The following LRP5 variants were observed in gnomAD, a reference collection of about 807,000 sequenced individuals.
LRP5 encodes the protein LDL receptor related protein 5.
In LRP5, 62 loss-of-function variants were observed where a neutral mutation model predicts 154.1. The ratio of observed to expected loss-of-function variants is 0.40; its 90% CI spans 0.33 to 0.50. The LOEUF is 0.50. Among genes scored for constraint, LRP5 ranks in the 20% least tolerant of loss-of-function variants. The pLI is 0.55. For missense variants in LRP5, 1,915 were observed against 2,336.7 expected (o/e 0.82, Z 3.72); for synonymous variants, 966 against 1,011.5 (o/e 0.96, Z 0.85).
Position 68,330,128 on chromosome 11 carries a change from C to T in LRP5, c.91+17323C>T, listed in dbSNP as rs540791659. 1.7e-3 allele frequency among the ~76,000 whole-genome samples: 256 copies of T among 152,242 alleles called. 1 individual carries two copies. The highest frequency in any genetic ancestry group is 5.8e-3 in the African/African-American group (239 of 41,536). ...TCAGGGCTTGCAGAGTATGTGTGCA[C>T]GTGTGTGTGCATGCGTGTGTTTGTG... On this transcript the variant is annotated intron_variant, in intron 1 of 22. Coordinates refer to ENST00000294304, the MANE Select transcript of LRP5 (RefSeq NM_002335.4).
Position 68,426,149 on chromosome 11 carries a change from G to T in LRP5, c.3599G>T (p.Gly1200Val). 6.2e-7 allele frequency: 1 copy of T among 1,612,724 alleles called. No individual in the cohort carries two copies. Among genetic ancestry groups the T allele is most frequent in the Non-Finnish European group, 8.5e-7 (1 of 1,180,004 alleles). Residue 1200 changes from glycine (G) to valine (V), a missense_variant, in exon 16 of 23, where the codon GGC (glycine) becomes GTC (valine). Gly to Val is a moderately radical substitution (Grantham distance 109). This residue lies in a region of LRP5 where 1,094 missense variants were observed against 1,210.1 expected (regional missense o/e 0.90). Coordinates refer to ENST00000294304, the MANE Select transcript of LRP5 (RefSeq NM_002335.4). ...RIQGRVAHLT[G>V]IHAVEEVSLE... The stretch of plus-strand genomic sequence containing the variant: ...CAGGGCCGTGTCGCCCACCTCACTG[G>T]CATCCATGCAGTGGAGGAAGTCAGC...
chr11:68,439,273 G>T (rs2098676785), intron 20 of LRP5, among the ~76,000 whole-genome samples: 1 of 152,206 alleles, frequency 6.6e-6, no homozygotes, highest in Non-Finnish European at 1.5e-5. Flanking sequence ...CCACCTTGAG[G>T]ATTGCCTCTG....
chr11:68,389,673 T>C (rs2098645259), intron 6 of LRP5, among the ~76,000 whole-genome samples: 1 of 151,088 alleles, frequency 6.6e-6, no homozygotes, highest in Non-Finnish European at 1.5e-5. Context: ...CCGACACTGA[T>C]ATTTACCAAC....
intron 17 of LRP5, among the ~76,000 whole-genome samples, chr11:68,432,212 G>A (rs2098672314): frequency 6.6e-6 from 1 of 152,204 alleles, no homozygotes; most frequent in Admixed American, 6.5e-5. Flanking sequence ...TGAGAGTCGA[G>A]GTCGGAGGCT....
intron 1 of LRP5, among the ~76,000 whole-genome samples, chr11:68,334,109 C>A (rs1342821755): frequency 6.6e-6 from 1 of 152,192 alleles, no homozygotes; most frequent in Non-Finnish European, 1.5e-5. Context: ...TGGTGGGCAC[C>A]TGTAATCCCA....
chr11:68,367,789 C>T (rs1591235817), intron 5 of LRP5, among the ~76,000 whole-genome samples: 2 of 152,140 alleles, frequency 1.3e-5, no homozygotes, highest in East Asian at 3.9e-4. Context: ...TCGGGCCGGG[C>T]GCAGTGGCTC....
chr11:68,383,766 G>C (rs1485210069), intron 5 of LRP5, among the ~76,000 whole-genome samples: 1 of 152,220 alleles, frequency 6.6e-6, no homozygotes, highest in Non-Finnish European at 1.5e-5. Context: ...CATCCACTGG[G>C]GTGTGGGGAG....
intron 1 of LRP5, among the ~76,000 whole-genome samples, chr11:68,336,122 C>T (rs2450885): frequency 6.6e-6 from 1 of 152,196 alleles, no homozygotes; most frequent in Non-Finnish European, 1.5e-5. Flanking sequence ...GAATACCATT[C>T]TCCACCCAAA....
intron 5 of LRP5, among the ~76,000 whole-genome samples, chr11:68,373,704 T>G (rs2098635726): frequency 6.6e-6 from 1 of 152,138 alleles, no homozygotes; most frequent in Non-Finnish European, 1.5e-5. Context: ...GGCAGCTGGC[T>G]TCGGTTTCTG....
chr11:68,416,011 C>T (rs2098662321), intron 12 of LRP5, among the ~76,000 whole-genome samples: 1 of 151,714 alleles, frequency 6.6e-6, no homozygotes, highest in South Asian at 2.1e-4. Context: ...GCCCAGATAG[C>T]ACCACTGCAG....
At chr11:68,371,631 G>A (rs995115553) in intron 5 of LRP5, among the ~76,000 whole-genome samples, 5 of 152,242 alleles carry the variant, frequency 3.3e-5, no homozygotes, top group South Asian at 4.1e-4. Flanking sequence ...CCGTGCGCCC[G>A]GCGGGCATGA....
At chr11:68,363,204 C>T (rs2098629011) in intron 3 of LRP5, among the ~76,000 whole-genome samples, 2 of 152,240 alleles carry the variant, frequency 1.3e-5, no homozygotes, top group African/African-American at 4.8e-5. Flanking sequence ...GGCATGGCTT[C>T]CTCCTTTCTT....
At chr11:68,301,336 C>T in the LRP5 span, among the ~76,000 whole-genome samples, 1 of 148,900 alleles carries the variant, frequency 6.7e-6, no homozygotes, top group Non-Finnish European at 1.5e-5. Context: ...GGGCTGAGTG[C>T]AGTGGCTCAC....
At chr11:68,420,076 A>G (rs1198136011) in intron 13 of LRP5, among the ~76,000 whole-genome samples, 1 of 152,188 alleles carries the variant, frequency 6.6e-6, no homozygotes, top group Non-Finnish European at 1.5e-5. Flanking sequence ...GGCGCGAGCC[A>G]CCGCACCCAG....
rs1473052930 is a variant in LRP5 at position 68,443,555 on chromosome 11, ATATATATATATATATATATATATATATAT to A, written c.4489-2880_4489-2852del. Among the ~76,000 whole-genome samples, 96 of 27,342 alleles carry A rather than the reference ATATATATATATATATATATATATATATAT, an allele frequency of 3.5e-3. 4 individuals carry two copies. The highest frequency in any genetic ancestry group is 0.017 in the African/African-American group (95 of 5,544). The allele number at this position is 27,342 out of a possible 152,430, so 17.9% of individuals were successfully genotyped here. A position where few individuals can be genotyped will look rare whatever the true frequency, so the allele number is the denominator to read the frequency against. ...CTCCTCTTTTATGGCATATATATATATATATATATATATATATATATATATATATATTTTTTTTTTTTTTGGTTATGTTC... is the reference window on the plus strand; with the variant it reads ...CTCCTCTTTTATGGCATATATATATAATTTTTTTTTTTTTTGGTTATGTTC... On this transcript the variant is annotated intron_variant, in intron 21 of 22. Coordinates refer to ENST00000294304, the MANE Select transcript of LRP5 (RefSeq NM_002335.4).
chr11:68,379,203 C>T (rs1018415141), intron 5 of LRP5, among the ~76,000 whole-genome samples: 1 of 152,132 alleles, frequency 6.6e-6, no homozygotes, highest in Non-Finnish European at 1.5e-5. Context: ...TGTTTTCCTG[C>T]CTGTGTCATC....
intron 3 of LRP5, among the ~76,000 whole-genome samples, chr11:68,363,329 G>A (rs1397114567): frequency 6.6e-6 from 1 of 152,178 alleles, no homozygotes; most frequent in Admixed American, 6.5e-5. Flanking sequence ...GCCAGCTCCT[G>A]GGGCTCTTGA....
At chr11:68,326,042 T>C (rs1415948912) in intron 1 of LRP5, among the ~76,000 whole-genome samples, 1 of 152,220 alleles carries the variant, frequency 6.6e-6, no homozygotes, top group African/African-American at 2.4e-5. Flanking sequence ...TGTGGCCTGG[T>C]GGCCTGTGGG....
upstream of LRP5, among the ~76,000 whole-genome samples, chr11:68,308,500 G>A (rs2098585355): frequency 6.6e-6 from 1 of 152,132 alleles, no homozygotes; most frequent in African/African-American, 2.4e-5. Context: ...AAGTTTGTTG[G>A]CCTGATGAGC....
Sources: allele counts gnomAD v4.1 joint callset (sites outside exome capture counted in the v4.1 genomes callset), GRCh38; gene constraint gnomAD v4.1.1; regional missense constraint gnomAD v4.1.1; transcripts MANE v1.5; gene names NCBI Gene and HGNC (gene_info 2026-07-23, HGNC 2026-07-21).